The following UBR3 variants were observed in gnomAD, a reference collection of about 807,000 sequenced individuals.
UBR3 encodes the protein E3 ubiquitin-protein ligase UBR3.
A neutral mutation model predicts 243.2 loss-of-function variants in UBR3; 85 were observed. That is an observed-to-expected ratio of 0.35 (90% CI 0.29 to 0.42). UBR3 has a LOEUF of 0.42. Among genes scored for constraint, UBR3 ranks in the 10% least tolerant of loss-of-function variants. The pLI is 1.00. For missense variants in UBR3, 1,686 were observed against 2,300.8 expected (o/e 0.73, Z 5.47); for synonymous variants, 748 against 799.8 (o/e 0.94, Z 1.09).
intron 1 of UBR3, among the ~76,000 whole-genome samples, chr2:169,860,081 C>T (rs1041749490): frequency 6.6e-6 from 1 of 152,174 alleles, no homozygotes; most frequent in African/African-American, 2.4e-5. Context: ...CATCATTATG[C>T]TTTCATTCCT....
intron 24 of UBR3, among the ~76,000 whole-genome samples, chr2:169,959,084 A>G (rs368341358): frequency 4.5e-4 from 69 of 151,658 alleles, no homozygotes; most frequent in African/African-American, 1.7e-3. Context: ...TTCCCTGACT[A>G]TTTCTTCCAT....
chr2:169,942,678 T>G, intron 20 of UBR3, 44 bp downstream of exon 20: 1 of 1,446,952 alleles, frequency 6.9e-7, no homozygotes, highest in Non-Finnish European at 9.1e-7. Context: ...TAGAATTTAT[T>G]TTCAAATAAT....
intron 1 of UBR3, among the ~76,000 whole-genome samples, chr2:169,850,031 C>T (rs2082604845): frequency 6.6e-6 from 1 of 152,088 alleles, no homozygotes; most frequent in East Asian, 1.9e-4. Context: ...GTAGTGGGCA[C>T]ACTTTGGGTT....
chr2:170,072,088 C>G (rs906646424), intron 35 of UBR3, among the ~76,000 whole-genome samples: 1 of 152,038 alleles, frequency 6.6e-6, no homozygotes, highest in Non-Finnish European at 1.5e-5. Flanking sequence ...ACCCAAAGGA[C>G]TATAAATCAT....
chr2:169,836,893 A>G (rs2082129270), intron 1 of UBR3, among the ~76,000 whole-genome samples: 1 of 152,142 alleles, frequency 6.6e-6, no homozygotes, highest in Non-Finnish European at 1.5e-5. Context: ...CCTTTGTTGT[A>G]TAAATACTTA....
At chr2:169,919,003 C>T (rs2085579227) in intron 11 of UBR3, among the ~76,000 whole-genome samples, 1 of 152,020 alleles carries the variant, frequency 6.6e-6, no homozygotes, top group Non-Finnish European at 1.5e-5. Flanking sequence ...CTGAAGAACC[C>T]AAGAAAAGCT....
chr2:169,869,084 G>A (rs2083349403), intron 1 of UBR3, among the ~76,000 whole-genome samples: 1 of 151,028 alleles, frequency 6.6e-6, no homozygotes, highest in Non-Finnish European at 1.5e-5. Flanking sequence ...TAGCTCTGGA[G>A]ACATGGTACC....
intron 10 of UBR3, among the ~76,000 whole-genome samples, chr2:169,909,587 A>G (rs1476317683): frequency 6.6e-6 from 1 of 152,176 alleles, no homozygotes. Flanking sequence ...ATTGCACAAC[A>G]TGGTGACTAT....
chr2:170,080,656 G>A lies in UBR3; in HGVS notation c.5521G>A (p.Ala1841Thr). 6.2e-7 allele frequency: 1 copy of A among 1,613,850 alleles called. No individual in the cohort carries two copies. Among genetic ancestry groups the A allele is most frequent in the Non-Finnish European group, 8.5e-7 (1 of 1,179,850 alleles). The change falls in exon 38 of 39, where the codon GCT becomes ACT. Residue 1841 changes from alanine to threonine, a missense_variant. Physicochemically the swap from Ala to Thr is moderately conservative, Grantham distance 58. This residue lies in a region of UBR3 where 89 missense variants were observed against 183.3 expected (regional missense o/e 0.49). Transcript: ENST00000272793. ...FCLWGSVYLD[A>T]HGEEDRDLRR... ...CCTCTGGGGTTCCGTGTATTTGGAT[G>A]CTCATGGAGAGGAAGACCGGGATCT...
chr2:169,898,218 C>T (rs2084664680), intron 8 of UBR3, among the ~76,000 whole-genome samples: 1 of 152,216 alleles, frequency 6.6e-6, no homozygotes, highest in Non-Finnish European at 1.5e-5. Flanking sequence ...TGCTTTGTTC[C>T]ACTCTTGCCT....
chr2:169,976,455 A>G (rs1433284003), intron 24 of UBR3, among the ~76,000 whole-genome samples: 2 of 152,088 alleles, frequency 1.3e-5, no homozygotes, highest in Non-Finnish European at 2.9e-5. Flanking sequence ...GTGGTGATGA[A>G]TTCCCTCAGT....
rs1255881148 is a variant in UBR3 at position 169,890,563 on chromosome 2, A to ATATATATATATATATGTG, written c.1039-601_1039-600insATATATATATATATGTGT. Among the ~76,000 whole-genome samples, 541 of 83,540 alleles carry ATATATATATATATATGTG rather than the reference A, an allele frequency of 6.5e-3. 15 individuals carry two copies. Among genetic ancestry groups the ATATATATATATATATGTG allele is most frequent in the African/African-American group, 0.025 (489 of 19,430 alleles). 54.8% of individuals were successfully genotyped at this position (83,540 alleles called of 152,430 possible). A position where few individuals can be genotyped will look rare whatever the true frequency, so the allele number is the denominator to read the frequency against. ...GAGATATATATATATATATATATATATGTGTATATATATATATGTATATAT... is the reference window on the plus strand; with the variant it reads ...GAGATATATATATATATATATATATATATATATATATATATGTGTGTGTATATATATATATGTATATAT... On this transcript the variant is annotated intron_variant, in intron 5 of 38. Coordinates refer to ENST00000272793, the MANE Select transcript of UBR3 (RefSeq NM_172070.4).
At chr2:169,958,560 ATTATAC>A (rs1007563045) in intron 24 of UBR3, 34 bp downstream of exon 24, 10 of 1,565,432 alleles carry the variant, frequency 6.4e-6, no homozygotes, top group Non-Finnish European at 8.8e-6. Flanking sequence ...AACTCTCATA[ATTATAC>A]TTATTACTTT....
intron 1 of UBR3, among the ~76,000 whole-genome samples, chr2:169,869,431 C>T (rs2083368902): frequency 1.3e-5 from 2 of 151,810 alleles, no homozygotes; most frequent in Admixed American, 6.6e-5. Flanking sequence ...ACCATGTTGG[C>T]CAGGCTGGTC....
chr2:169,990,864 A>AT (rs1271100092), intron 25 of UBR3, among the ~76,000 whole-genome samples: 1 of 36,524 alleles, frequency 2.7e-5, no homozygotes, highest in South Asian at 1.8e-3. Context: ...AGGAAGAATT[A>AT]ATTTTTTTTT....
chr2:169,994,027 G>C (rs1399499630), intron 25 of UBR3, among the ~76,000 whole-genome samples: 1 of 152,120 alleles, frequency 6.6e-6, no homozygotes, highest in Non-Finnish European at 1.5e-5. Flanking sequence ...GTGAATACTG[G>C]AGAGTTATAT....
intron 23 of UBR3, among the ~76,000 whole-genome samples, chr2:169,955,664 C>T (rs575076057): frequency 4.6e-5 from 7 of 151,608 alleles, no homozygotes; most frequent in East Asian, 1.9e-4. Context: ...CATGGTGGTG[C>T]GTGCCTGTAA....
chr2:170,009,543 A>C (rs2105406566), intron 29 of UBR3, among the ~76,000 whole-genome samples: 1 of 152,286 alleles, frequency 6.6e-6, no homozygotes, highest in Admixed American at 6.5e-5. Flanking sequence ...ATACAGAAGC[A>C]GTAGTTCTAA....
At chr2:169,851,916 T>C (rs955736803) in intron 1 of UBR3, among the ~76,000 whole-genome samples, 6 of 151,464 alleles carry the variant, frequency 4.0e-5, no homozygotes, top group Admixed American at 3.3e-4. Flanking sequence ...ACCGAATAAA[T>C]ATTGGTTTGA....
Sources: allele counts gnomAD v4.1 joint callset (sites outside exome capture counted in the v4.1 genomes callset), GRCh38; gene constraint gnomAD v4.1.1; regional missense constraint gnomAD v4.1.1; transcripts MANE v1.5; gene names NCBI Gene and HGNC (gene_info 2026-07-23, HGNC 2026-07-21).